Variants in SPATA6 observed in about 807,000 individuals in gnomAD.
SPATA6 encodes spermatogenesis associated 6.
SPATA6 carries 56 observed loss-of-function variants against 65.3 expected under a neutral mutation model. The ratio of observed to expected loss-of-function variants is 0.86; its 90% CI spans 0.69 to 1.07. The LOEUF (loss-of-function observed/expected upper bound fraction) is 1.07. SPATA6 is among the 50% of genes least tolerant of loss of function. SPATA6 has a pLI of 0.00. For missense variants in SPATA6, 590 were observed against 594.8 expected (o/e 0.99, Z 0.08); for synonymous variants, 199 against 213.2 (o/e 0.93, Z 0.58).
chr1:48,372,524 C>A (rs529256767), intron 9 of SPATA6, among the ~76,000 whole-genome samples: 1 of 152,296 alleles, frequency 6.6e-6, no homozygotes, highest in African/African-American at 2.4e-5. Context: ...GTGTCTGTGG[C>A]TTTTGCAGGC....
chr1:48,365,733 C>T (rs747910170), intron 9 of SPATA6, among the ~76,000 whole-genome samples: 2 of 152,126 alleles, frequency 1.3e-5, no homozygotes, highest in African/African-American at 4.8e-5. Context: ...ATCATGTCAT[C>T]TGCAAACAGG....
intron 11 of SPATA6, among the ~76,000 whole-genome samples, chr1:48,317,866 G>A (rs544770994): frequency 6.6e-6 from 1 of 152,090 alleles, no homozygotes; most frequent in Admixed American, 6.6e-5. Context: ...AAAAAACCCT[G>A]AAAACCAATA....
At chr1:48,437,622 G>A (rs1299680529) in intron 3 of SPATA6, among the ~76,000 whole-genome samples, 2 of 152,078 alleles carry the variant, frequency 1.3e-5, no homozygotes, top group Non-Finnish European at 2.9e-5. Context: ...CCTTTTTAAT[G>A]AGCTATTGTT....
At chr1:48,466,729 C>T (rs559903466) in intron 1 of SPATA6, among the ~76,000 whole-genome samples, 29 of 151,832 alleles carry the variant, frequency 1.9e-4, no homozygotes, top group African/African-American at 6.3e-4. Context: ...CGAAATTTAC[C>T]ACCAACTGTG....
At chr1:48,291,427 G>A (rs143184495), downstream of SPATA6, among the ~76,000 whole-genome samples, 790 of 151,754 alleles carry the variant, frequency 5.2e-3, 20 homozygotes, top group South Asian at 0.05. Context: ...ATGGGGGTGT[G>A]GTTCCCAGGC....
chr1:48,314,399 G>A (rs11205471), intron 11 of SPATA6, among the ~76,000 whole-genome samples: 146,119 of 149,654 alleles, frequency 0.98, 71,413 homozygotes, highest in East Asian at 1. Context: ...ACTCAAAACC[G>A]CTCAACTACA....
chr1:48,355,487 T>C (rs1392632991), intron 11 of SPATA6, 183 bp downstream of exon 11: 2 of 478,908 alleles, frequency 4.2e-6, no homozygotes, highest in South Asian at 4.0e-5. Flanking sequence ...TTTTGCATAA[T>C]GACTTAGGTC....
At chr1:48,467,408 C>A (rs1314478488) in intron 1 of SPATA6, among the ~76,000 whole-genome samples, 2 of 151,982 alleles carry the variant, frequency 1.3e-5, no homozygotes, top group Admixed American at 1.3e-4. Context: ...CTGAATGTCA[C>A]CACAAAAAGA....
intron 3 of SPATA6, among the ~76,000 whole-genome samples, chr1:48,428,075 A>AG (rs1477080285): frequency 6.6e-6 from 1 of 152,168 alleles, no homozygotes; most frequent in Admixed American, 6.5e-5. Context: ...TCTTTCTTGT[A>AG]GCTCCATGCA....
chr1:48,365,621 C>CT (rs1447537994), intron 9 of SPATA6, among the ~76,000 whole-genome samples: 3 of 152,110 alleles, frequency 2.0e-5, no homozygotes, highest in African/African-American at 7.2e-5. Context: ...TATAAGAATT[C>CT]TTGTGATTTT....
chr1:48,427,913 A>G (rs188462194), intron 3 of SPATA6, among the ~76,000 whole-genome samples: 4 of 152,116 alleles, frequency 2.6e-5, no homozygotes, highest in Non-Finnish European at 5.9e-5. Flanking sequence ...TCCAGTGTTT[A>G]TTGTTCCCAT....
At chr1:48,395,858 T>A (rs1251357947) in intron 7 of SPATA6, among the ~76,000 whole-genome samples, 2 of 151,370 alleles carry the variant, frequency 1.3e-5, no homozygotes, top group East Asian at 3.9e-4. Flanking sequence ...TACAAATGTA[T>A]AAAAAAAATT....
In SPATA6 at chr1:48,411,712, T is replaced by C. The variant is rs1019877632; in HGVS notation, c.281-124A>G. 1.2e-5 allele frequency: 10 copies of C among 839,664 alleles called. No homozygotes were observed. In the African/African-American group the frequency reaches 1.8e-4, roughly 15 times the overall value. 52.0% of individuals were successfully genotyped at this position (839,664 alleles called of 1,614,324 possible). ...AAATACCTGTTTTGGGTCATGTTTA[T>C]TTTCTATGAAAGGAAAATTAAAATA... On this transcript the variant is annotated intron_variant, in intron 4 of 12. Transcript: ENST00000371847.
intron 3 of SPATA6, among the ~76,000 whole-genome samples, chr1:48,448,554 C>T (rs981944785): frequency 2.0e-5 from 3 of 151,920 alleles, no homozygotes; most frequent in Non-Finnish European, 2.9e-5. Context: ...TCTGAGCACA[C>T]CCATATTCCC....
At chr1:48,304,854 G>A (rs1194026794) in intron 12 of SPATA6, among the ~76,000 whole-genome samples, 4 of 152,200 alleles carry the variant, frequency 2.6e-5, no homozygotes, top group Non-Finnish European at 4.4e-5. Flanking sequence ...GCTAATCCAT[G>A]TAACAATTTA....
chr1:48,464,032 G>C (rs907636898), intron 1 of SPATA6, among the ~76,000 whole-genome samples: 1 of 151,704 alleles, frequency 6.6e-6, no homozygotes, highest in Non-Finnish European at 1.5e-5. Context: ...CAACATTCAG[G>C]ATTTTTTAAA....
chr1:48,446,381 CAA>C (rs1196414902), intron 3 of SPATA6, among the ~76,000 whole-genome samples: 2 of 152,120 alleles, frequency 1.3e-5, no homozygotes, highest in Non-Finnish European at 2.9e-5. Context: ...TAGAACCATC[CAA>C]AGAGAGGCCA....
At chr1:48,339,079 G>A (rs1646136280) in intron 11 of SPATA6, among the ~76,000 whole-genome samples, 1 of 151,950 alleles carries the variant, frequency 6.6e-6, no homozygotes, top group South Asian at 2.1e-4. Context: ...ACTTCCTAGT[G>A]TGAAAATGTA....
intron 11 of SPATA6, among the ~76,000 whole-genome samples, chr1:48,318,220 A>T (rs559946638): frequency 3.3e-5 from 5 of 152,190 alleles, no homozygotes; most frequent in African/African-American, 4.8e-5. Context: ...GATCAGGAAT[A>T]AAACAAGGAT....
Sources: allele counts gnomAD v4.1 joint callset (sites outside exome capture counted in the v4.1 genomes callset), GRCh38; gene constraint gnomAD v4.1.1; transcripts MANE v1.5; gene names NCBI Gene and HGNC (gene_info 2026-07-23, HGNC 2026-07-21).